The following RORA variants were observed in gnomAD, a reference collection of about 807,000 sequenced individuals.
The protein encoded by RORA is nuclear receptor ROR-alpha.
In RORA, 7 loss-of-function variants were observed where a neutral mutation model predicts 69.5. The ratio of observed to expected loss-of-function variants is 0.10; its 90% CI spans 0.06 to 0.19. The LOEUF is 0.19. Among genes scored for constraint, RORA ranks in the 10% least tolerant of loss-of-function variants. The pLI is 1.00. For missense variants in RORA, 457 were observed against 663.0 expected (o/e 0.69, Z 3.41); for synonymous variants, 261 against 240.8 (o/e 1.08, Z -0.78).
intron 1 of RORA, among the ~76,000 whole-genome samples, chr15:60,877,321 T>A (rs2140442409): frequency 6.6e-6 from 1 of 152,328 alleles, no homozygotes; most frequent in Admixed American, 6.5e-5. Context: ...TGTGGTACAC[T>A]CTTAACCTTC....
intron 1 of RORA, among the ~76,000 whole-genome samples, chr15:60,924,997 TG>T: frequency 6.6e-6 from 1 of 152,130 alleles, no homozygotes; most frequent in Non-Finnish European, 1.5e-5. Context: ...GAGAATCCCT[TG>T]AACCCAGGAG....
At chr15:60,836,190 A>C (rs1218173272) in intron 1 of RORA, among the ~76,000 whole-genome samples, 1 of 152,222 alleles carries the variant, frequency 6.6e-6, no homozygotes, top group Non-Finnish European at 1.5e-5. Context: ...CGTAAATGTC[A>C]TTCCGTGGGA....
rs974205462 is a variant in RORA, at chr15:61,161,201, C to T, written c.166+67852G>A. The stretch of plus-strand genomic sequence containing the variant: ...GTGGATCCCATATGAAGTCTCAACT[C>T]CATGGTCCCCCAAGCAGTGGGAACA... On this transcript the variant is annotated intron_variant, in intron 1 of 10. Coordinates refer to ENST00000335670, the MANE Select transcript of RORA (RefSeq NM_134261.3). Among the ~76,000 whole-genome samples the T allele has an allele frequency of 2.0e-5, 3 of 152,150 alleles. No homozygotes were observed. The South Asian group carries it at 6.2e-4, about 32-fold the overall frequency.
At chr15:60,782,633 C>T (rs1391016142) in intron 1 of RORA, among the ~76,000 whole-genome samples, 1 of 152,184 alleles carries the variant, frequency 6.6e-6, no homozygotes, top group Non-Finnish European at 1.5e-5. Flanking sequence ...CCACAGCTGC[C>T]ATCTGCCCCT....
At chr15:60,592,823 G>A in intron 2 of RORA, 1 of 543,382 alleles carries the variant, frequency 1.8e-6, no homozygotes, top group Non-Finnish European at 3.2e-6. Flanking sequence ...GCCGCCGGTC[G>A]CTTTTCTGCA....
intron 1 of RORA, among the ~76,000 whole-genome samples, chr15:60,796,070 G>A (rs2072490854): frequency 6.6e-6 from 1 of 152,192 alleles, no homozygotes; most frequent in Non-Finnish European, 1.5e-5. Flanking sequence ...AAGTGAATGT[G>A]TGGTTCTTGA....
intron 2 of RORA, among the ~76,000 whole-genome samples, chr15:60,585,362 A>G (rs1196152886): frequency 6.6e-6 from 1 of 152,160 alleles, no homozygotes; most frequent in African/African-American, 2.4e-5. Flanking sequence ...CCTCTATCTT[A>G]TTTTTTAGGC....
intron 1 of RORA, among the ~76,000 whole-genome samples, chr15:61,155,904 C>T (rs2079437685): frequency 6.6e-6 from 1 of 152,262 alleles, no homozygotes; most frequent in Non-Finnish European, 1.5e-5. Context: ...CCAGCCAAGG[C>T]AGGAATGCAC....
chr15:60,520,198 T>C (rs1461307976), intron 3 of RORA: 1 of 152,160 alleles, frequency 6.6e-6, no homozygotes, highest in Non-Finnish European at 1.5e-5. Flanking sequence ...TCTTTTGGAT[T>C]AAGTCAACAG....
chr15:60,655,303 T>G (rs1220802990), intron 2 of RORA, among the ~76,000 whole-genome samples: 1 of 152,178 alleles, frequency 6.6e-6, no homozygotes, highest in Non-Finnish European at 1.5e-5. Flanking sequence ...GGGTGTACAG[T>G]TACCCAGATA....
At chr15:61,208,838 C>G (rs900322553) in intron 1 of RORA, among the ~76,000 whole-genome samples, 1 of 152,160 alleles carries the variant, frequency 6.6e-6, no homozygotes, top group African/African-American at 2.4e-5. Context: ...CATAAACACT[C>G]AGGGCATTAA....
intron 1 of RORA, among the ~76,000 whole-genome samples, chr15:61,134,523 C>G (rs1246853903): frequency 1.3e-5 from 2 of 152,172 alleles, no homozygotes; most frequent in Admixed American, 6.5e-5. Flanking sequence ...AGGAGGCACT[C>G]AATAAGTATT....
intron 1 of RORA, among the ~76,000 whole-genome samples, chr15:60,892,269 G>T (rs1006076308): frequency 6.6e-6 from 1 of 152,120 alleles, no homozygotes; most frequent in Non-Finnish European, 1.5e-5. Context: ...TCCAGGTCTT[G>T]GGATTCCTAA....
At chr15:61,191,679 A>T (rs949291140) in intron 1 of RORA, among the ~76,000 whole-genome samples, 1 of 152,218 alleles carries the variant, frequency 6.6e-6, no homozygotes, top group Non-Finnish European at 1.5e-5. Flanking sequence ...CAATAAGAAC[A>T]GTAAAGTGGT....
intron 1 of RORA, among the ~76,000 whole-genome samples, chr15:61,027,006 C>CA (rs60196048): frequency 0.14 from 18,849 of 133,140 alleles, 1,818 homozygotes; most frequent in East Asian, 0.32. Flanking sequence ...TCCTGGCCTG[C>CA]AAAAAAAAAA....
intron 2 of RORA, among the ~76,000 whole-genome samples, chr15:60,597,534 C>T (rs1417390442): frequency 1.0e-5 from 1 of 100,114 alleles, no homozygotes; most frequent in African/African-American, 3.5e-5. Context: ...CACACACACA[C>T]ACACACACAC....
chr15:61,018,512 G>A (rs184356082), intron 1 of RORA, among the ~76,000 whole-genome samples: 1 of 152,268 alleles, frequency 6.6e-6, no homozygotes, highest in East Asian at 1.9e-4. Flanking sequence ...TATGTGTAGT[G>A]TGTAGCGTAG....
chr15:61,091,922 A>T (rs951976185), intron 1 of RORA, among the ~76,000 whole-genome samples: 2 of 152,244 alleles, frequency 1.3e-5, no homozygotes, highest in Non-Finnish European at 2.9e-5. Flanking sequence ...ATATGTTAAA[A>T]ATGGTCTTTA....
rs2065163314 is a variant in RORA at position 60,496,189 on chromosome 15, T to C, written c.*1266A>G. The C allele has an allele frequency of 6.6e-6, 1 of 152,216 alleles. No individual in the cohort carries two copies. Among genetic ancestry groups the C allele is most frequent in the Non-Finnish European group, 1.5e-5 (1 of 68,044 alleles). The allele number at this position is 152,216 out of a possible 1,614,324, so 9.4% of individuals were successfully genotyped here. A position where few individuals can be genotyped will look rare whatever the true frequency, so the allele number is the denominator to read the frequency against. ...ATTAGTTCACTCTGAGATAAACTCA[T>C]AGGGTTCCTAGATTATACCAAGAAC... is the stretch of plus-strand genomic sequence containing the variant. On this transcript the variant is annotated 3_prime_UTR_variant, in exon 11 of 11. Coordinates refer to ENST00000335670, the MANE Select transcript of RORA (RefSeq NM_134261.3). This position sits in a 1 kb window ranked among gnomAD's most constrained non-coding sequence, Gnocchi z 4.5.
Sources: allele counts gnomAD v4.1 joint callset (sites outside exome capture counted in the v4.1 genomes callset), GRCh38; gene constraint gnomAD v4.1.1; non-coding constraint Gnocchi (gnomAD v3.1); transcripts MANE v1.5; gene names NCBI Gene and HGNC (gene_info 2026-07-23, HGNC 2026-07-21).